The following CCDC57 variants were observed in gnomAD, a reference collection of about 807,000 sequenced individuals.
CCDC57 encodes coiled-coil domain-containing protein 57.
CCDC57 carries 118 observed loss-of-function variants against 118.9 expected under a neutral mutation model. The ratio of observed to expected loss-of-function variants is 0.99; its 90% CI spans 0.86 to 1.16. CCDC57 has a LOEUF of 1.16. Among genes scored for constraint, CCDC57 ranks in the 50% most tolerant of loss-of-function variants. The pLI is 0.00. For missense variants in CCDC57, 1,300 were observed against 1,320.7 expected (o/e 0.98, Z 0.24); for synonymous variants, 527 against 532.9 (o/e 0.99, Z 0.15).
exon 3 of CCDC57, chr17:82,201,632 C>A: frequency 6.2e-7 from 1 of 1,613,878 alleles, no homozygotes; most frequent in Non-Finnish European, 8.5e-7. Context: ...CTGGCTAGCG[C>A]CTGCCTCAGC....
At chr17:82,131,581 AAAAC>A (rs1240159999) in intron 17 of CCDC57, among the ~76,000 whole-genome samples, 5 of 152,122 alleles carry the variant, frequency 3.3e-5, no homozygotes, top group Admixed American at 2.6e-4. Flanking sequence ...TCTCTATTAA[AAAAC>A]AAACAAACAA....
intron 9 of CCDC57, among the ~76,000 whole-genome samples, chr17:82,182,584 C>G (rs1251830352): frequency 6.6e-6 from 1 of 151,846 alleles, no homozygotes; most frequent in African/African-American, 2.4e-5. Flanking sequence ...AAACTCCTGA[C>G]CTCAGGTGAT....
intron 19 of CCDC57, among the ~76,000 whole-genome samples, chr17:82,102,328 C>T (rs1299813207): frequency 6.6e-6 from 1 of 152,234 alleles, no homozygotes; most frequent in East Asian, 1.9e-4. Context: ...GCCAGCAGTG[C>T]CAGGCTTTTG....
At position 82,122,030 on chromosome 17, in the gene CCDC57, TG is replaced by T. The variant is rs2036764833; in HGVS notation, c.2899+5661del. Among the ~76,000 whole-genome samples, 3 of 152,058 alleles carry T rather than the reference TG, an allele frequency of 2.0e-5. No homozygotes were observed. In the South Asian group the frequency reaches 6.2e-4, roughly 32 times the overall value. On this transcript the variant is annotated intron_variant, in intron 19 of 19. Coordinates refer to ENST00000665763, the Ensembl canonical transcript of CCDC57. ...CCTGCAGCACGGCCTCGGCCCCAGG[TG>T]ACTCCTGTGGTCACCAGCTCCCTGG...
intron 10 of CCDC57, 21 bp downstream of exon 9, chr17:82,179,006 G>C: frequency 6.2e-7 from 1 of 1,610,356 alleles, no homozygotes; most frequent in Non-Finnish European, 8.5e-7. Flanking sequence ...GAAGGCCCCA[G>C]GCCCTGGTGG....
At chr17:82,119,090 G>A (rs1380346256) in intron 19 of CCDC57, among the ~76,000 whole-genome samples, 2 of 98,050 alleles carry the variant, frequency 2.0e-5, no homozygotes, top group African/African-American at 4.5e-5. Flanking sequence ...CGGGCGGGAG[G>A]TGGGGGCGGG....
intron 13 of CCDC57, among the ~76,000 whole-genome samples, chr17:82,171,297 G>A (rs576055136): frequency 1.4e-5 from 2 of 146,314 alleles, no homozygotes; most frequent in African/African-American, 2.6e-5. Context: ...GCAGTGAGGA[G>A]CCAGGGCACG....
At position 82,172,585 on chromosome 17, in the gene CCDC57, C is replaced by A; in HGVS notation, c.1729+53G>T. On this transcript the variant is annotated intron_variant, in intron 12 of 19. Coordinates refer to ENST00000665763, the Ensembl canonical transcript of CCDC57. The surrounding 1 kb of genome is among the most constrained non-coding windows in gnomAD (Gnocchi z 5.2). Reference sequence around the variant, plus strand: ...GACCCATGCTCCCGTCTGTCCTCCTCCCTCCCTCTCCCCCTTCCTCTCCCG... The same window carrying A: ...GACCCATGCTCCCGTCTGTCCTCCTACCTCCCTCTCCCCCTTCCTCTCCCG... 1 of 1,463,036 alleles carries A rather than the reference C, an allele frequency of 6.8e-7. No homozygotes were observed. The highest frequency in any genetic ancestry group is 9.4e-7 in the Non-Finnish European group (1 of 1,068,778). The allele number at this position is 1,463,036 out of a possible 1,614,324, so 90.6% of individuals were successfully genotyped here. A position where few individuals can be genotyped will look rare whatever the true frequency, so the allele number is the denominator to read the frequency against.
At chr17:82,202,026 C>A in intron 2 of CCDC57, 74 bp from the exon 2 acceptor site, 2 of 1,377,860 alleles carry the variant, frequency 1.5e-6, no homozygotes, top group Non-Finnish European at 1.9e-6. Flanking sequence ...ACCTACCTCA[C>A]ATTCCCTATC....
intron 2 of CCDC57, among the ~76,000 whole-genome samples, chr17:82,203,852 C>A (rs190694891): frequency 1.2e-4 from 18 of 152,300 alleles, no homozygotes; most frequent in African/African-American, 4.3e-4. Flanking sequence ...CAGGAAAAAG[C>A]CCCAGCCTGT....
rs747167538 is a variant in CCDC57 at position 82,183,795 on chromosome 17, C to G, written c.1190G>C (p.Arg397Pro). 7.0e-6 allele frequency: 11 copies of G among 1,572,654 alleles called. No individual in the cohort carries two copies. The African/African-American group carries it at 1.5e-4, about 21-fold the overall frequency. ...TTACCTTTCAATGTCCTGCTGGGAT[C>G]GGGCCACCTGTGCCTTGAGCTTCAC... Residue 397 changes from arginine (R) to proline (P), a missense_variant, in exon 9 of 20, where the codon CGA becomes CCA. Arg to Pro is a moderately radical substitution (Grantham distance 103, BLOSUM62 -2). Coordinates refer to ENST00000665763, the Ensembl canonical transcript of CCDC57.
intron 17 of CCDC57, among the ~76,000 whole-genome samples, chr17:82,132,118 C>CAAAAA (rs58856013): frequency 3.9e-5 from 4 of 101,896 alleles, no homozygotes; most frequent in Admixed American, 2.0e-4. Context: ...GACTCTGTCT[C>CAAAAA]AAAAAAAAAA....
At chr17:82,101,919 G>A in intron 19 of CCDC57, 53 bp from the exon 19 acceptor site, 1 of 1,483,448 alleles carries the variant, frequency 6.7e-7, no homozygotes, top group Non-Finnish European at 9.0e-7. Context: ...GGGGGAGCAG[G>A]AGGCTGTGCT....
intron 11 of CCDC57, among the ~76,000 whole-genome samples, chr17:82,176,335 G>A (rs2045493091): frequency 6.9e-6 from 1 of 145,622 alleles, no homozygotes; most frequent in South Asian, 2.2e-4. Context: ...CTGGAATTGT[G>A]TCCAGACTTG....
intron 16 of CCDC57, among the ~76,000 whole-genome samples, chr17:82,147,647 G>A (rs1323909761): frequency 1.3e-5 from 2 of 148,282 alleles, no homozygotes; most frequent in African/African-American, 2.5e-5. Context: ...ATGGATGGGT[G>A]GATGGATACA....
intron 9 of CCDC57, 114 bp downstream of exon 8, chr17:82,183,660 C>G: frequency 9.6e-7 from 1 of 1,041,974 alleles, no homozygotes; most frequent in Admixed American, 2.8e-5. Flanking sequence ...TCTTTCTCCC[C>G]CAAGAAAATG....
chr17:82,192,386 C>G lies in CCDC57; in HGVS notation c.851+1370G>C, dbSNP rs1599355571. Reference sequence around the variant, plus strand: ...TAAGGCTTCTGGTCAACAGTAGGTTCTAAGTAGTTAAGTTTTTGGGGAGTG... The same window carrying G: ...TAAGGCTTCTGGTCAACAGTAGGTTGTAAGTAGTTAAGTTTTTGGGGAGTG... On this transcript the variant is annotated intron_variant, in intron 7 of 19. Transcript: ENST00000665763. This position sits in a 1 kb window ranked among gnomAD's most constrained non-coding sequence, Gnocchi z 4.0. Among the ~76,000 whole-genome samples, 1 of 152,188 alleles carries G rather than the reference C, an allele frequency of 6.6e-6. No individual in the cohort carries two copies. The highest frequency in any genetic ancestry group is 2.4e-5 in the African/African-American group (1 of 41,446).
At chr17:82,146,836 C>T (rs186598470) in intron 16 of CCDC57, among the ~76,000 whole-genome samples, 5 of 152,230 alleles carry the variant, frequency 3.3e-5, no homozygotes, top group African/African-American at 4.8e-5. Flanking sequence ...CACATACAAA[C>T]GCACATGCAC....
At chr17:82,115,780 A>C (rs2035808665) in intron 19 of CCDC57, among the ~76,000 whole-genome samples, 1 of 149,884 alleles carries the variant, frequency 6.7e-6, no homozygotes, top group African/African-American at 2.5e-5. Flanking sequence ...AAATACAAAA[A>C]ATTTATGCAA....
Sources: allele counts gnomAD v4.1 joint callset (sites outside exome capture counted in the v4.1 genomes callset), GRCh38; gene constraint gnomAD v4.1.1; non-coding constraint Gnocchi (gnomAD v3.1); transcripts MANE v1.5; gene names NCBI Gene and HGNC (gene_info 2026-07-23, HGNC 2026-07-21).